Variants in ANK1 observed in about 807,000 individuals in gnomAD.
ANK1 encodes the protein ankyrin 1, also known as ankyrin-1.
In ANK1, 51 loss-of-function variants were observed where a neutral mutation model predicts 210.4. That is an observed-to-expected ratio of 0.24 (90% CI 0.19 to 0.31). ANK1 has a LOEUF of 0.31. Ranked by LOEUF, ANK1 falls within the 10% of genes least tolerant of loss-of-function variation. The pLI, the probability that ANK1 is intolerant of heterozygous loss-of-function variation, is 1.00. For synonymous variants in ANK1, 967 were observed against 1,025.9 expected (o/e 0.94, Z 1.10); for missense variants, 2,051 against 2,504.4 (o/e 0.82, Z 3.86).
upstream of ANK1, among the ~76,000 whole-genome samples, chr8:41,801,031 T>G (rs1169042660): frequency 1.3e-5 from 2 of 152,262 alleles, no homozygotes; most frequent in Non-Finnish European, 2.9e-5. Context: ...TGCTGCAACG[T>G]CATGTTCCTG....
intron 1 of ANK1, among the ~76,000 whole-genome samples, chr8:41,787,383 A>C (rs574349705): frequency 1.3e-5 from 2 of 152,212 alleles, no homozygotes; most frequent in Non-Finnish European, 2.9e-5. Context: ...TAGAATTCAC[A>C]CAGTCCTAGG....
In ANK1 at chr8:41,663,631, A is replaced by G. The variant is rs752714181; in HGVS notation, c.5478+28T>C. The G allele has an allele frequency of 5.0e-6, 8 of 1,599,906 alleles. No individual in the cohort carries two copies. The South Asian group carries it at 8.8e-5, about 18-fold the overall frequency. ...GCTTCTAGCCCACCTGCCTCTCCCC[A>G]GCACAGAGGGGAACACTCTGCACCC... On this transcript the variant is annotated intron_variant, in intron 40 of 42. Coordinates refer to ENST00000289734, the MANE Select transcript of ANK1 (RefSeq NM_000037.4).
Position 41,688,658 on chromosome 8 carries a change from T to G in ANK1, c.4105-69A>C. ...CCTTCCCAGAGAAAGTGATCTGAGCTCCTATGCTGCAGGGGTGTGGAAGGC... is the reference window on the plus strand; with the variant it reads ...CCTTCCCAGAGAAAGTGATCTGAGCGCCTATGCTGCAGGGGTGTGGAAGGC... On this transcript the variant is annotated intron_variant, in intron 33 of 42. Transcript: ENST00000289734. 4 of 1,422,756 alleles carry G rather than the reference T, an allele frequency of 2.8e-6. No homozygotes were observed. In the South Asian group the frequency reaches 4.7e-5, roughly 17 times the overall value. 88.1% of individuals were successfully genotyped at this position (1,422,756 alleles called of 1,614,324 possible). A position where few individuals can be genotyped will look rare whatever the true frequency, so the allele number is the denominator to read the frequency against.
At position 41,696,600 on chromosome 8, in the gene ANK1, C is replaced by T; in HGVS notation, c.2736-13G>A. The T allele has an allele frequency of 6.2e-7, 1 of 1,613,500 alleles. No individual in the cohort carries two copies. Among genetic ancestry groups the T allele is most frequent in the Non-Finnish European group, 8.5e-7 (1 of 1,179,976 alleles). On this transcript the variant is annotated splice_polypyrimidine_tract_variant and intron_variant, in intron 25 of 42. Transcript: ENST00000289734. ...GCTCACCAGAAACCTAGGAGTGGGG[C>T]AGATGCACGTTGGGCTTCTGCATCC...
rs758094236 is a variant in ANK1 at position 41,715,000 on chromosome 8, G to A, written c.1677C>T (p.Asp559=). The change falls in exon 15 of 43, where the codon GAC becomes GAT. Residue 559 remains aspartate (D), a synonymous_variant. Transcript: ENST00000289734. ...CTTTTCCGGCAGCATTCGGGTGTGC[G>A]TCCCGCTCCAGCAGCAGCTCTGCCA... The part of the protein sequence containing the change: ...VRVAELLLER[D]AHPNAAGKNG... 2.5e-5 allele frequency: 40 copies of A among 1,614,170 alleles called. 1 individual carries two copies. In the East Asian group the frequency reaches 2.7e-4, roughly 11 times the overall value.
At chr8:41,769,054 CA>C (rs994944472) in intron 1 of ANK1, among the ~76,000 whole-genome samples, 20 of 152,126 alleles carry the variant, frequency 1.3e-4, no homozygotes, top group African/African-American at 4.8e-4. Flanking sequence ...ATGCAGCAAT[CA>C]GGGGGCATCC....
At chr8:41,804,552 C>T (rs1850639825) in intron 1 of ANK1, among the ~76,000 whole-genome samples, 1 of 152,188 alleles carries the variant, frequency 6.6e-6, no homozygotes, top group Non-Finnish European at 1.5e-5. Flanking sequence ...AGTTGGCTGG[C>T]TTCTCTCCCT....
At chr8:41,763,889 C>CTTTTTT (rs869100297) in intron 1 of ANK1, among the ~76,000 whole-genome samples, 79 of 57,794 alleles carry the variant, frequency 1.4e-3, no homozygotes, top group African/African-American at 3.3e-3. Context: ...TTCTTTTTTT[C>CTTTTTT]TTTTTTTTTT....
intron 1 of ANK1, among the ~76,000 whole-genome samples, chr8:41,791,927 G>A (rs1847821900): frequency 6.8e-6 from 1 of 147,154 alleles, no homozygotes; most frequent in Non-Finnish European, 1.5e-5. Flanking sequence ...GGGGTCAGAA[G>A]GTTGTTTGCT....
At chr8:41,822,433 C>A (rs1386527051) in intron 1 of ANK1, among the ~76,000 whole-genome samples, 1 of 152,234 alleles carries the variant, frequency 6.6e-6, no homozygotes, top group Non-Finnish European at 1.5e-5. Context: ...AAACTTCATA[C>A]TTCTATCAGT....
intron 42 of ANK1, among the ~76,000 whole-genome samples, chr8:41,658,605 G>A: frequency 6.6e-6 from 1 of 152,180 alleles, no homozygotes; most frequent in East Asian, 1.9e-4. Context: ...ATTAGTCGCT[G>A]TTTGAGGCTG....
chr8:41,896,498 C>G (rs1405308931), exon 1 of ANK1: 1 of 1,584,188 alleles, frequency 6.3e-7, no homozygotes, highest in East Asian at 2.3e-5. Flanking sequence ...CACGGCGCTC[C>G]CGTCCCCGCC....
chr8:41,674,470 A>T (rs1049068527), intron 37 of ANK1, among the ~76,000 whole-genome samples: 2 of 152,176 alleles, frequency 1.3e-5, no homozygotes, highest in Non-Finnish European at 2.9e-5. Flanking sequence ...ACCCATGAGG[A>T]CAGGGCTGAT....
intron 2 of ANK1, among the ~76,000 whole-genome samples, chr8:41,741,828 C>T (rs920911957): frequency 8.5e-5 from 13 of 152,188 alleles, no homozygotes; most frequent in Non-Finnish European, 1.5e-4. Flanking sequence ...CTTCTGCATC[C>T]TACATACTCC....
At chr8:41,734,164 T>A (rs940849329) in intron 2 of ANK1, 95 bp from the exon 3 acceptor site, 1 of 1,068,448 alleles carries the variant, frequency 9.4e-7, no homozygotes, top group African/African-American at 1.6e-5. Context: ...AGCCCTGAGG[T>A]GTTCACAGCA....
chr8:41,883,377 A>G (rs1301485871), intron 1 of ANK1, among the ~76,000 whole-genome samples: 2 of 152,234 alleles, frequency 1.3e-5, no homozygotes, highest in Non-Finnish European at 1.5e-5. Context: ...ATCTGGAACC[A>G]TTCTGCCCTG....
intron 1 of ANK1, among the ~76,000 whole-genome samples, chr8:41,759,714 T>C (rs1839992065): frequency 6.6e-6 from 1 of 152,216 alleles, no homozygotes; most frequent in Non-Finnish European, 1.5e-5. Context: ...CAGGGGGTTC[T>C]GGAACCAATC....
chr8:41,702,043 C>A lies in ANK1; in HGVS notation c.2388+9G>T, dbSNP rs772107483. 4 of 1,612,176 alleles carry A rather than the reference C, an allele frequency of 2.5e-6. No homozygotes were observed. The highest frequency in any genetic ancestry group is 4.5e-5 in the East Asian group (2 of 44,898). On this transcript the variant is annotated intron_variant, in intron 21 of 42. Coordinates refer to ENST00000289734, the MANE Select transcript of ANK1 (RefSeq NM_000037.4). ...GTCTGGGGTGGGTGCGGGGGAGAGG[C>A]AGACATACCACGAAACTGGTTTCAT...
intron 37 of ANK1, among the ~76,000 whole-genome samples, chr8:41,679,536 T>TGTCTTGG (rs1333726244): frequency 6.6e-6 from 1 of 151,314 alleles, no homozygotes; most frequent in African/African-American, 2.4e-5. Context: ...GAACTCCAGC[T>TGTCTTGG]GTCTTGGTCT....
Sources: allele counts gnomAD v4.1 joint callset (sites outside exome capture counted in the v4.1 genomes callset), GRCh38; gene constraint gnomAD v4.1.1; transcripts MANE v1.5; gene names NCBI Gene and HGNC (gene_info 2026-07-23, HGNC 2026-07-21).